Variants in SAV1 observed in about 807,000 individuals in gnomAD.
SAV1 encodes the protein salvador family WW domain containing protein 1.
A neutral mutation model predicts 47.3 loss-of-function variants in SAV1; 23 were observed. The observed-to-expected ratio is 0.49, with a 90% CI of 0.35 to 0.69. The LOEUF is 0.69. SAV1 is among the 30% of genes least tolerant of loss of function. SAV1 has a pLI of 0.01. For missense variants in SAV1, 448 were observed against 457.4 expected, an observed-to-expected ratio of 0.98 and a Z score of 0.19; for synonymous variants, 155 against 159.2, an observed-to-expected ratio of 0.97 and a Z score of 0.20.
intron 2 of SAV1, among the ~76,000 whole-genome samples, chr14:50,652,066 A>G: frequency 6.6e-6 from 1 of 152,246 alleles, no homozygotes; most frequent in South Asian, 2.1e-4. Context: ...GCTACAGATA[A>G]AGCAAATGAA....
In SAV1 at chr14:50,665,544, G is replaced by A. The variant is rs1566749219; in HGVS notation, c.170C>T (p.Pro57Leu). Residue 57 changes from proline to leucine, a missense_variant, in exon 2 of 5, where the codon CCT (proline) becomes CTT (leucine). Transcript: ENST00000324679. ...RTDICLPDSS[P>L]NAFSTSGDVV... is the part of the protein sequence containing the mutation. ...ATCTCCAGAAGTTGAAAAGGCATTA[G>A]GGCTTGAATCTGGAAGACAGATATC... The A allele has an allele frequency of 6.2e-7, 1 of 1,614,048 alleles. No homozygotes were observed. The highest frequency in any genetic ancestry group is 8.5e-7 in the Non-Finnish European group (1 of 1,179,928).
At chr14:50,650,683 C>A (rs1214741946) in intron 2 of SAV1, among the ~76,000 whole-genome samples, 5 of 152,160 alleles carry the variant, frequency 3.3e-5, no homozygotes, top group African/African-American at 1.2e-4. Context: ...AGGCCTTCAG[C>A]CAGAACTGAA....
At chr14:50,656,972 C>A (rs2039817778) in intron 2 of SAV1, among the ~76,000 whole-genome samples, 1 of 150,312 alleles carries the variant, frequency 6.7e-6, no homozygotes. Flanking sequence ...GCTCAAACTT[C>A]AATAACTAAC....
In SAV1 at chr14:50,645,019, G is replaced by C. The variant is rs760810493; in HGVS notation, c.536-5C>G. 1 of 1,599,444 alleles carries C rather than the reference G, an allele frequency of 6.3e-7. No homozygotes were observed. The highest frequency in any genetic ancestry group is 1.3e-5 in the African/African-American group (1 of 74,414). On this transcript the variant is annotated splice_polypyrimidine_tract_variant and splice_region_variant and intron_variant, in intron 2 of 4. Transcript: ENST00000324679. Reference sequence around the variant, plus strand: ...TAGCAGCAACTCTCCCAATACCTACGGGGAAAGAGAAAATGATAGAGAAGA... The same window carrying C: ...TAGCAGCAACTCTCCCAATACCTACCGGGAAAGAGAAAATGATAGAGAAGA...
intron 2 of SAV1, among the ~76,000 whole-genome samples, chr14:50,656,946 T>C (rs1231925866): frequency 4.0e-5 from 6 of 151,802 alleles, no homozygotes; most frequent in East Asian, 3.9e-4. Context: ...TCCTCCAGTA[T>C]GAGTTCAGCC....
At chr14:50,659,701 C>G (rs1048165268) in intron 2 of SAV1, among the ~76,000 whole-genome samples, 6 of 152,098 alleles carry the variant, frequency 3.9e-5, no homozygotes, top group African/African-American at 1.4e-4. Context: ...AAAAAATTAG[C>G]CAGGTGTGGT....
intron 2 of SAV1, among the ~76,000 whole-genome samples, chr14:50,663,415 T>C (rs1391943598): frequency 6.6e-6 from 1 of 152,238 alleles, no homozygotes; most frequent in African/African-American, 2.4e-5. Context: ...CAGAACTGCA[T>C]ATCAGAAATA....
At position 50,668,239 on chromosome 14, in the gene SAV1, A is replaced by C; in HGVS notation, c.-272T>G. ...CGCTGCTCGGGGACGCCGTGAGGAA[A>C]GCCCAGCGACGCCGGGCCAGGGCCA... On this transcript the variant is annotated 5_prime_UTR_variant, in exon 1 of 5. Transcript: ENST00000324679. 1 of 184,754 alleles carries C rather than the reference A, an allele frequency of 5.4e-6. No homozygotes were observed. Among genetic ancestry groups the C allele is most frequent in the Non-Finnish European group, 1.0e-5 (1 of 99,994 alleles). 11.4% of individuals were successfully genotyped at this position (184,754 alleles called of 1,614,324 possible). A position where few individuals can be genotyped will look rare whatever the true frequency, so the allele number is the denominator to read the frequency against.
At chr14:50,644,488 G>A (rs1162499406) in intron 3 of SAV1, among the ~76,000 whole-genome samples, 1 of 152,056 alleles carries the variant, frequency 6.6e-6, no homozygotes, top group Non-Finnish European at 1.5e-5. Flanking sequence ...AAAACATTCT[G>A]GCATTACTAC....
intron 3 of SAV1, among the ~76,000 whole-genome samples, chr14:50,642,252 C>A (rs116790898): frequency 8.5e-4 from 129 of 152,032 alleles, no homozygotes; most frequent in African/African-American, 3.0e-3. Flanking sequence ...TATCAGGGAC[C>A]GGGCGTGATG....
chr14:50,648,540 G>A (rs2039741108), intron 2 of SAV1, among the ~76,000 whole-genome samples: 1 of 152,178 alleles, frequency 6.6e-6, no homozygotes, highest in African/African-American at 2.4e-5. Flanking sequence ...AGCACTTTGG[G>A]AGGCCGAGGC....
chr14:50,649,695 CTCAT>C (rs2039751579), intron 2 of SAV1, among the ~76,000 whole-genome samples: 1 of 152,132 alleles, frequency 6.6e-6, no homozygotes, highest in Non-Finnish European at 1.5e-5. Flanking sequence ...ATTATTAATC[CTCAT>C]TATTTGTAAC....
In SAV1 at chr14:50,634,118, T is replaced by C. The variant is rs1254085523; in HGVS notation, c.*1065A>G. ...TCTGTCAGAAGGCAGTATGCTATGC[T>C]GTCAGGAACTCTCCACTGCCTCGTC... is the stretch of plus-strand genomic sequence containing the variant. On this transcript the variant is annotated 3_prime_UTR_variant, in exon 5 of 5. Coordinates refer to ENST00000324679, the MANE Select transcript of SAV1 (RefSeq NM_021818.4). 4.4e-6 allele frequency: 2 copies of C among 451,258 alleles called. No homozygotes were observed. Among genetic ancestry groups the C allele is most frequent in the Non-Finnish European group, 8.9e-6 (2 of 223,968 alleles). 28.0% of individuals were successfully genotyped at this position (451,258 alleles called of 1,614,324 possible). A position where few individuals can be genotyped will look rare whatever the true frequency, so the allele number is the denominator to read the frequency against.
intron 2 of SAV1, among the ~76,000 whole-genome samples, chr14:50,651,899 T>C (rs565861689): frequency 6.6e-6 from 1 of 152,316 alleles, no homozygotes; most frequent in African/African-American, 2.4e-5. Context: ...CCCAGTGTGC[T>C]AGGATTACAG....
In SAV1 at chr14:50,635,258, T is replaced by C. The variant is rs756797752; in HGVS notation, c.1077A>G (p.Gln359=). The stretch of plus-strand genomic sequence containing the variant: ...GGTTTTCCAACTCTGTAAGAAGGGC[T>C]TGTCTGTATGCTTCATACATTTTAA... The part of the protein sequence containing the change: ...QIVKMYEAYR[Q]ALLTELENRK... Residue 359 remains glutamine (Q), a synonymous_variant, in exon 5 of 5, where the codon CAA becomes CAG. Transcript: ENST00000324679. The C allele has an allele frequency of 6.2e-6, 10 of 1,614,186 alleles. No individual in the cohort carries two copies. Among genetic ancestry groups the C allele is most frequent in the Admixed American group, 3.3e-5 (2 of 60,028 alleles).
rs1239299608 is a variant in SAV1, at chr14:50,633,947, A to C, written c.*1236T>G. 1 of 190,466 alleles carries C rather than the reference A, an allele frequency of 5.3e-6. No individual in the cohort carries two copies. The highest frequency in any genetic ancestry group is 1.1e-5 in the Non-Finnish European group (1 of 87,616). 11.8% of individuals were successfully genotyped at this position (190,466 alleles called of 1,614,324 possible). On this transcript the variant is annotated 3_prime_UTR_variant, in exon 5 of 5. Transcript: ENST00000324679. ...AAAATGTTTTAACTATTAAACCAAA[A>C]GGGGAGAAAAACTGGGAGGGAAATA...
intron 2 of SAV1, among the ~76,000 whole-genome samples, chr14:50,651,439 T>C (rs1171586223): frequency 2.6e-5 from 4 of 152,190 alleles, no homozygotes; most frequent in Non-Finnish European, 5.9e-5. Flanking sequence ...ATGCATTCTG[T>C]TTTATCATTT....
chr14:50,648,940 T>C (rs143103683), intron 2 of SAV1, among the ~76,000 whole-genome samples: 56 of 152,310 alleles, frequency 3.7e-4, no homozygotes, highest in African/African-American at 1.3e-3. Context: ...TACTGTCTCA[T>C]TACTTGATGA....
intron 2 of SAV1, among the ~76,000 whole-genome samples, chr14:50,657,963 C>A (rs2039827300): frequency 6.6e-6 from 1 of 152,112 alleles, no homozygotes; most frequent in Non-Finnish European, 1.5e-5. Flanking sequence ...TTTGTAGTGG[C>A]TACAGAGAAT....
Sources: allele counts gnomAD v4.1 joint callset (sites outside exome capture counted in the v4.1 genomes callset), GRCh38; gene constraint gnomAD v4.1.1; transcripts MANE v1.5; gene names NCBI Gene and HGNC (gene_info 2026-07-23, HGNC 2026-07-21).